The following NRG1 variants were observed in gnomAD, a reference collection of about 807,000 sequenced individuals.
The protein encoded by NRG1 is neuregulin 1.
In NRG1, 18 loss-of-function variants were observed where a neutral mutation model predicts 63.8. The ratio of observed to expected loss-of-function variants is 0.28; its 90% CI spans 0.19 to 0.42. NRG1 has a LOEUF of 0.42. Among genes scored for constraint, NRG1 ranks in the 10% least tolerant of loss-of-function variants. NRG1 has a pLI of 1.00. For synonymous variants in NRG1, 302 were observed against 301.3 expected, an observed-to-expected ratio of 1.00 and a Z score of -0.02; for missense variants, 762 against 814.7, an observed-to-expected ratio of 0.94 and a Z score of 0.79.
chr8:32,633,167 A>C (rs1850658779), intron 5 of NRG1, among the ~76,000 whole-genome samples: 1 of 152,226 alleles, frequency 6.6e-6, no homozygotes, highest in African/African-American at 2.4e-5. Flanking sequence ...CCAGTAAATA[A>C]GAAGGCTTCA....
intron 1 of NRG1, among the ~76,000 whole-genome samples, chr8:31,991,582 A>G (rs1811100909): frequency 6.6e-6 from 1 of 151,976 alleles, no homozygotes; most frequent in African/African-American, 2.4e-5. Flanking sequence ...TTTGGAGATG[A>G]GGGAAGCTAA....
intron 5 of NRG1, among the ~76,000 whole-genome samples, chr8:32,725,525 C>G (rs2976529): frequency 0.99 from 139,488 of 141,370 alleles, 68,845 homozygotes; most frequent in African/African-American, 1. Flanking sequence ...ACCCAGGCTT[C>G]AGTGCGGCAG....
chr8:32,459,292 T>TA (rs2129488617), intron 1 of NRG1, among the ~76,000 whole-genome samples: 1 of 152,358 alleles, frequency 6.6e-6, no homozygotes, highest in South Asian at 2.1e-4. Context: ...CCATATCCTA[T>TA]AAACTCTAAT....
intron 1 of NRG1, among the ~76,000 whole-genome samples, chr8:31,850,956 C>G (rs537642729): frequency 2.0e-5 from 3 of 152,166 alleles, no homozygotes; most frequent in Non-Finnish European, 4.4e-5. Flanking sequence ...TGTTGGACAC[C>G]GCTTCCTTCA....
chr8:32,424,654 G>A (rs1817119608), intron 1 of NRG1, among the ~76,000 whole-genome samples: 1 of 152,112 alleles, frequency 6.6e-6, no homozygotes, highest in Non-Finnish European at 1.5e-5. Context: ...GTGAATGCTT[G>A]AGCCCAGAAG....
intron 1 of NRG1, among the ~76,000 whole-genome samples, chr8:31,870,043 G>A (rs997288211): frequency 6.6e-6 from 1 of 152,146 alleles, no homozygotes. Context: ...CAAGATCCTA[G>A]GAAATCTGTT....
intron 1 of NRG1, among the ~76,000 whole-genome samples, chr8:32,122,222 T>TC (rs1833538303): frequency 2.0e-5 from 3 of 151,936 alleles, no homozygotes; most frequent in Non-Finnish European, 4.4e-5. Context: ...ACAGGCCAAA[T>TC]ACCAGATGGC....
At chr8:31,691,345 C>T (rs1451819828) in intron 1 of NRG1, among the ~76,000 whole-genome samples, 1 of 152,096 alleles carries the variant, frequency 6.6e-6, no homozygotes. Flanking sequence ...CGGTGGCTCA[C>T]GCCTGTAATC....
chr8:32,290,535 A>G (rs1854068161), intron 1 of NRG1, among the ~76,000 whole-genome samples: 1 of 152,030 alleles, frequency 6.6e-6, no homozygotes, highest in South Asian at 2.1e-4. Context: ...TGAGGCTCAG[A>G]GGACCTCCTC....
At chr8:31,726,664 C>A (rs1251755024) in intron 1 of NRG1, among the ~76,000 whole-genome samples, 2 of 152,004 alleles carry the variant, frequency 1.3e-5, no homozygotes, top group African/African-American at 4.8e-5. Flanking sequence ...GTGAAAAAAG[C>A]ATGTCTGTAG....
At chr8:32,577,068 G>A (rs939679306) in intron 1 of NRG1, among the ~76,000 whole-genome samples, 1 of 152,144 alleles carries the variant, frequency 6.6e-6, no homozygotes, top group African/African-American at 2.4e-5. Context: ...TGAGAGCATG[G>A]AGTATTTGGT....
At chr8:32,770,319 T>G (rs978986999), downstream of NRG1, among the ~76,000 whole-genome samples, 2 of 152,164 alleles carry the variant, frequency 1.3e-5, no homozygotes, top group Non-Finnish European at 2.9e-5. Flanking sequence ...TGAGGAAAAT[T>G]TAGGCTCAGG....
At chr8:31,872,998 A>G (rs182088163) in intron 1 of NRG1, among the ~76,000 whole-genome samples, 43 of 152,358 alleles carry the variant, frequency 2.8e-4, no homozygotes, top group Admixed American at 7.8e-4. Flanking sequence ...GGCCAATCAA[A>G]TAATGGTACA....
At chr8:31,737,342 A>G (rs1317576119) in intron 1 of NRG1, among the ~76,000 whole-genome samples, 2 of 152,130 alleles carry the variant, frequency 1.3e-5, no homozygotes, top group Non-Finnish European at 2.9e-5. Flanking sequence ...TCTCAATTAC[A>G]GAATTATTAT....
intron 1 of NRG1, among the ~76,000 whole-genome samples, chr8:32,579,396 C>A (rs140741348): frequency 2.0e-5 from 3 of 152,058 alleles, no homozygotes; most frequent in African/African-American, 7.2e-5. Context: ...TCATTTTACA[C>A]GCAAGAAACT....
chr8:32,577,925 G>A (rs1000537051), intron 1 of NRG1, among the ~76,000 whole-genome samples: 11 of 152,150 alleles, frequency 7.2e-5, no homozygotes, highest in African/African-American at 2.7e-4. Flanking sequence ...CTGGAAGCAA[G>A]AAAACCAGCC....
At chr8:31,885,101 G>T (rs1293717496) in intron 1 of NRG1, among the ~76,000 whole-genome samples, 1 of 152,080 alleles carries the variant, frequency 6.6e-6, no homozygotes, top group Admixed American at 6.6e-5. Flanking sequence ...TGAATTTAAT[G>T]CTACCAATAG....
intron 1 of NRG1, among the ~76,000 whole-genome samples, chr8:32,357,725 C>G (rs1806636486): frequency 6.6e-6 from 1 of 151,970 alleles, no homozygotes; most frequent in Non-Finnish European, 1.5e-5. Flanking sequence ...TTTATCTATT[C>G]ACTAAAGTGT....
chr8:32,132,125 T>C (rs1834906704), intron 1 of NRG1, among the ~76,000 whole-genome samples: 1 of 152,044 alleles, frequency 6.6e-6, no homozygotes, highest in South Asian at 2.1e-4. Flanking sequence ...TGAGAAGCAA[T>C]AATGATATGG....
Sources: gnomAD v4.1 joint callset for allele counts (sites outside exome capture counted in the v4.1 genomes callset) on GRCh38, gnomAD v4.1.1 for gene constraint, MANE v1.5 for transcripts, NCBI Gene and HGNC (gene_info 2026-07-23, HGNC 2026-07-21) for gene names.